PCDHGA1: variants seen among roughly 807,000 people sequenced by gnomAD.
PCDHGA1 encodes protocadherin gamma subfamily A, 1, also known as protocadherin gamma-A1.
A neutral mutation model predicts 58.0 loss-of-function variants in PCDHGA1; 32 were observed. The ratio of observed to expected loss-of-function variants is 0.55; its 90% CI spans 0.42 to 0.74. The LOEUF (loss-of-function observed/expected upper bound fraction) is 0.74. PCDHGA1 is among the 30% of genes least tolerant of loss of function. The probability of loss-of-function intolerance (pLI) is 0.00; values close to 1 mark genes in which losing one functional copy is unlikely to be tolerated. For synonymous variants in PCDHGA1, 498 were observed against 501.1 expected, an observed-to-expected ratio of 0.99 and a Z score of 0.08; for missense variants, 1,205 against 1,182.3, an observed-to-expected ratio of 1.02 and a Z score of -0.28.
Position 141,491,900 on chromosome 5 carries a change from G to A in PCDHGA1, c.2422-2907G>A, listed in dbSNP as rs1268804496. 7.0e-7 allele frequency: 1 copy of A among 1,429,818 alleles called. No individual in the cohort carries two copies. Among genetic ancestry groups the A allele is most frequent in the East Asian group, 2.5e-5 (1 of 39,444 alleles). The allele number at this position is 1,429,818 out of a possible 1,614,324, so 88.6% of individuals were successfully genotyped here. A position where few individuals can be genotyped will look rare whatever the true frequency, so the allele number is the denominator to read the frequency against. ...TAAGGGATGGGGCTCCGAGCACCGGGGGTGGTGGCGACTGTGGGCGAGGGG... is the reference window on the plus strand; with the variant it reads ...TAAGGGATGGGGCTCCGAGCACCGGAGGTGGTGGCGACTGTGGGCGAGGGG... On this transcript the variant is annotated intron_variant, in intron 1 of 3. Coordinates refer to ENST00000517417, the MANE Select transcript of PCDHGA1 (RefSeq NM_018912.3). This position sits in a 1 kb window ranked among gnomAD's most constrained non-coding sequence, Gnocchi z 6.9.
intron 1 of PCDHGA1, chr5:141,384,813 C>G: frequency 6.2e-7 from 1 of 1,613,412 alleles, no homozygotes. Flanking sequence ...GAGATGCCCT[C>G]AAGCAGAGCC....
intron 1 of PCDHGA1, among the ~76,000 whole-genome samples, chr5:141,450,025 G>C (rs963999877): frequency 2.7e-5 from 1 of 36,752 alleles, no homozygotes; most frequent in Non-Finnish European, 5.4e-5. Context: ...TTTTTTTTTT[G>C]AGACAGGGTC....
intron 1 of PCDHGA1, among the ~76,000 whole-genome samples, chr5:141,424,923 T>C (rs1428936860): frequency 6.6e-6 from 1 of 152,186 alleles, no homozygotes; most frequent in African/African-American, 2.4e-5. Flanking sequence ...CCATAATCAA[T>C]TCAGTCAACA....
intron 1 of PCDHGA1, chr5:141,420,239 C>G (rs984335177): frequency 1.3e-6 from 2 of 1,593,300 alleles, no homozygotes; most frequent in African/African-American, 2.7e-5. Flanking sequence ...CATTTTAACT[C>G]CCAGCGTTGA....
At chr5:141,407,032 CAT>C (rs2094880022) in intron 1 of PCDHGA1, among the ~76,000 whole-genome samples, 1 of 152,174 alleles carries the variant, frequency 6.6e-6, no homozygotes, top group African/African-American at 2.4e-5. Flanking sequence ...CTATGCTAAA[CAT>C]GTGATCCATA....
rs757761874 is a variant in PCDHGA1 at position 141,375,430 on chromosome 5, G to A, written c.2421+42325G>A. 34 of 1,613,728 alleles carry A rather than the reference G, an allele frequency of 2.1e-5. No individual in the cohort carries two copies. The Admixed American group carries it at 5.2e-4, about 25-fold the overall frequency. ...ATGTGGCAGACACCAACGACAACCC[G>A]CCCACCTTCCCCCATTCATCCTACT... On this transcript the variant is annotated intron_variant, in intron 1 of 3. Transcript: ENST00000517417.
At chr5:141,339,249 A>G in intron 1 of PCDHGA1, 1 of 1,614,252 alleles carries the variant, frequency 6.2e-7, no homozygotes, top group Non-Finnish European at 8.5e-7. Flanking sequence ...ATAGACCGGG[A>G]GGAGCTCTGC....
At chr5:141,465,649 A>C (rs1174371552) in intron 1 of PCDHGA1, among the ~76,000 whole-genome samples, 1 of 152,200 alleles carries the variant, frequency 6.6e-6, no homozygotes, top group African/African-American at 2.4e-5. Context: ...TGAACATCCC[A>C]AAAAAGCGCT....
intron 1 of PCDHGA1, chr5:141,419,733 AGGTGCGCATGGTGCGTGCTTTG>A (rs763538035): frequency 1.1e-5 from 18 of 1,613,646 alleles, no homozygotes; most frequent in Non-Finnish European, 1.4e-5. Context: ...CGAACAGGCG[AGGTGCGCATGGTGCGTGCTTTG>A]GGTGACAAGG....
chr5:141,337,084 C>T (rs1393488467), intron 1 of PCDHGA1, among the ~76,000 whole-genome samples: 8 of 149,912 alleles, frequency 5.3e-5, no homozygotes. Context: ...TGAGATACTA[C>T]TCCACATTCA....
intron 1 of PCDHGA1, among the ~76,000 whole-genome samples, chr5:141,460,961 A>ATATGTGTGTGTG (rs1463306338): frequency 4.1e-5 from 6 of 144,616 alleles, no homozygotes; most frequent in Admixed American, 1.4e-4. Flanking sequence ...GTATATATAT[A>ATATGTGTGTGTG]TGTGTGTGTG....
At chr5:141,502,914 T>G (rs78646636) in intron 2 of PCDHGA1, among the ~76,000 whole-genome samples, 4,865 of 139,540 alleles carry the variant, frequency 0.035, 119 homozygotes, top group South Asian at 0.075. Flanking sequence ...CAGGCTGGAG[T>G]GCAGTGGCAA....
At chr5:141,403,732 G>A (rs1472288445) in intron 1 of PCDHGA1, 2 of 1,613,932 alleles carry the variant, frequency 1.2e-6, no homozygotes, top group Non-Finnish European at 1.7e-6. Context: ...CAGGCACCTG[G>A]CTGCTTACTG....
rs765563941 is a variant in PCDHGA1 at position 141,383,705 on chromosome 5, T to G, written c.2421+50600T>G. On this transcript the variant is annotated intron_variant, in intron 1 of 3. Transcript: ENST00000517417. ...CTGCTCACGGTACATGCTATCGACC[T>G]GGACGAGGGAGTCAATGGGGAAGTG... 3.1e-6 allele frequency: 5 copies of G among 1,613,902 alleles called. No homozygotes were observed. Among genetic ancestry groups the G allele is most frequent in the Non-Finnish European group, 4.2e-6 (5 of 1,179,894 alleles).
At position 141,486,679 on chromosome 5, in the gene PCDHGA1, A is replaced by G. The variant is rs1416879364; in HGVS notation, c.2422-8128A>G. The G allele has an allele frequency of 6.2e-7, 1 of 1,614,092 alleles. No individual in the cohort carries two copies. The highest frequency in any genetic ancestry group is 1.7e-5 in the Admixed American group (1 of 60,026). On this transcript the variant is annotated intron_variant, in intron 1 of 3. Coordinates refer to ENST00000517417, the MANE Select transcript of PCDHGA1 (RefSeq NM_018912.3). The surrounding 1 kb of genome is among the most constrained non-coding windows in gnomAD (Gnocchi z 5.0). Reference sequence around the variant, plus strand: ...TCCTGGAGCCCAGGAATCGAGATGTATCAGCTTCCTCTTTCATCTCTCTGA... The same window carrying G: ...TCCTGGAGCCCAGGAATCGAGATGTGTCAGCTTCCTCTTTCATCTCTCTGA...
rs55729045 is a variant in PCDHGA1 at position 141,395,542 on chromosome 5, TTGTGTGTGTGTGTG to T, written c.2421+62473_2421+62486del. ...TCCATACTGGTAATTTTGCTATTGT[TTGTGTGTGTGTGTG>T]TGTGTGTGTGTGTGTGTGTGTGTGT... On this transcript the variant is annotated intron_variant, in intron 1 of 3. Transcript: ENST00000517417. The T allele has an allele frequency of 6.1e-4, 106 of 172,624 alleles. 1 individual carries two copies. Among genetic ancestry groups the T allele is most frequent in the South Asian group, 8.7e-4 (10 of 11,526 alleles). The allele number at this position is 172,624 out of a possible 1,614,324, so 10.7% of individuals were successfully genotyped here.
chr5:141,491,855 G>A lies in PCDHGA1; in HGVS notation c.2422-2952G>A. ...TTCTCGGGATCATTGGACCGTTTGC[G>A]CGAAACCAGAGTGGCCGATTAAGGG... On this transcript the variant is annotated intron_variant, in intron 1 of 3. Coordinates refer to ENST00000517417, the MANE Select transcript of PCDHGA1 (RefSeq NM_018912.3). The surrounding 1 kb of genome is among the most constrained non-coding windows in gnomAD (Gnocchi z 6.9). The A allele has an allele frequency of 2.7e-6, 4 of 1,459,380 alleles. No individual in the cohort carries two copies. The highest frequency in any genetic ancestry group is 3.6e-6 in the Non-Finnish European group (4 of 1,103,492). The allele number at this position is 1,459,380 out of a possible 1,614,324, so 90.4% of individuals were successfully genotyped here. A position where few individuals can be genotyped will look rare whatever the true frequency, so the allele number is the denominator to read the frequency against.
In PCDHGA1 at chr5:141,431,430, G is replaced by A; in HGVS notation, c.2422-63377G>A. ...GACGGGGGCGACCCGGTGCGCACAG[G>A]CACCGCGCGCATCCGCGTGATGGTT... is the stretch of plus-strand genomic sequence containing the variant. On this transcript the variant is annotated intron_variant, in intron 1 of 3. Coordinates refer to ENST00000517417, the MANE Select transcript of PCDHGA1 (RefSeq NM_018912.3). The surrounding 1 kb of genome is among the most constrained non-coding windows in gnomAD (Gnocchi z 4.8). 1 of 1,613,680 alleles carries A rather than the reference G, an allele frequency of 6.2e-7. No individual in the cohort carries two copies. The highest frequency in any genetic ancestry group is 8.5e-7 in the Non-Finnish European group (1 of 1,180,018).
rs756915110 is a variant in PCDHGA1, at chr5:141,490,431, T to C, written c.2422-4376T>C. 6 of 1,614,036 alleles carry C rather than the reference T, an allele frequency of 3.7e-6. No individual in the cohort carries two copies. In the South Asian group the frequency reaches 6.6e-5, roughly 18 times the overall value. ...TCTCTCCGGACCTGCCATTTCAGATTAAGCCTTCTGAGAACCACTACTCGC... is the reference window on the plus strand; with the variant it reads ...TCTCTCCGGACCTGCCATTTCAGATCAAGCCTTCTGAGAACCACTACTCGC... On this transcript the variant is annotated intron_variant, in intron 1 of 3. Transcript: ENST00000517417. The surrounding 1 kb of genome is among the most constrained non-coding windows in gnomAD (Gnocchi z 5.4).
Sources: allele counts gnomAD v4.1 joint callset (sites outside exome capture counted in the v4.1 genomes callset), GRCh38; gene constraint gnomAD v4.1.1; non-coding constraint Gnocchi (gnomAD v3.1); transcripts MANE v1.5; gene names NCBI Gene and HGNC (gene_info 2026-07-23, HGNC 2026-07-21).